Variants in ILDR2 observed in about 807,000 individuals in gnomAD.
ILDR2 encodes the protein immunoglobulin like domain containing receptor 2.
Under a neutral mutation model 66.8 loss-of-function variants are expected in ILDR2, and 25 were observed. The observed-to-expected ratio is 0.37, with a 90% CI of 0.27 to 0.52. The LOEUF (loss-of-function observed/expected upper bound fraction) is 0.52, where lower values mean the gene tolerates loss of function less well. ILDR2 is among the 20% of genes least tolerant of loss of function. ILDR2 has a pLI of 0.88. For missense variants in ILDR2, 827 were observed against 876.8 expected (o/e 0.94, Z 0.72); for synonymous variants, 367 against 357.2 (o/e 1.03, Z -0.31).
intron 1 of ILDR2, among the ~76,000 whole-genome samples, chr1:166,958,564 T>C (rs1434141512): frequency 6.6e-6 from 1 of 152,214 alleles, no homozygotes; most frequent in Non-Finnish European, 1.5e-5. Context: ...CCTGTGGAAC[T>C]GTGAGTCAAT....
intron 6 of ILDR2, among the ~76,000 whole-genome samples, chr1:166,935,083 G>A (rs1453486896): frequency 6.6e-6 from 1 of 152,192 alleles, no homozygotes; most frequent in East Asian, 1.9e-4. Context: ...AGTAATTGAG[G>A]AGTCTAGGGA....
chr1:166,919,944 T>G (rs771517518), intron 9 of ILDR2, among the ~76,000 whole-genome samples: 1 of 152,090 alleles, frequency 6.6e-6, no homozygotes, highest in African/African-American at 2.4e-5. Context: ...CTCCAAAGCA[T>G]GGGGGTCAGA....
chr1:166,897,550 G>A (rs1022252500), intron 2 of ILDR2, among the ~76,000 whole-genome samples: 19 of 152,324 alleles, frequency 1.2e-4, no homozygotes, highest in African/African-American at 4.1e-4. Flanking sequence ...GAAACCGACT[G>A]GACCTCCCAA....
chr1:166,935,473 A>C lies in ILDR2; in HGVS notation c.708T>G (p.Tyr236Ter). 6.3e-7 allele frequency: 1 copy of C among 1,590,270 alleles called. No homozygotes were observed. The highest frequency in any genetic ancestry group is 8.6e-7 in the Non-Finnish European group (1 of 1,168,912). Residue 236 changes from tyrosine to a stop codon, truncating the protein, a stop_gained, in exon 6 of 10, where the codon TAT becomes TAG. Coordinates refer to ENST00000271417, the MANE Select transcript of ILDR2 (RefSeq NM_199351.3). LOFTEE classifies it high-confidence loss of function. The part of the protein sequence containing the change: ...PDSCCCPQAL[Y>*]EAGKAAKAGY... ...CGGCCTTTGCTGCTTTCCCTGCTTC[A>C]TACACTGTGGAGGGAGATCAAGAGC...
chr1:166,954,484 T>G (rs1479330573), intron 3 of ILDR2, among the ~76,000 whole-genome samples: 1 of 152,192 alleles, frequency 6.6e-6, no homozygotes, highest in African/African-American at 2.4e-5. Flanking sequence ...AGTGTTGCCC[T>G]AAAAAGTTTC....
At chr1:166,959,131 C>T (rs1662459370) in intron 1 of ILDR2, among the ~76,000 whole-genome samples, 3 of 151,268 alleles carry the variant, frequency 2.0e-5, no homozygotes, top group Non-Finnish European at 4.4e-5. Context: ...ATGCTTTTTC[C>T]TCACTTCTTT....
downstream of ILDR2, among the ~76,000 whole-genome samples, chr1:166,905,950 CA>C (rs1310655888): frequency 6.6e-6 from 1 of 152,178 alleles, no homozygotes; most frequent in East Asian, 1.9e-4. Context: ...TGAAAGGAAT[CA>C]GTTTTTTGGC....
chr1:166,940,195 T>C (rs565345334), intron 3 of ILDR2, among the ~76,000 whole-genome samples: 1 of 152,142 alleles, frequency 6.6e-6, no homozygotes, highest in Non-Finnish European at 1.5e-5. Context: ...ACAGCTGGCA[T>C]TATATGGACC....
chr1:166,938,147 C>T (rs914477556), intron 4 of ILDR2, among the ~76,000 whole-genome samples: 6 of 152,108 alleles, frequency 3.9e-5, no homozygotes, highest in Non-Finnish European at 7.3e-5. Context: ...GCATTCATGC[C>T]GAGGACAATC....
At chr1:166,967,265 G>A (rs1332521004) in intron 1 of ILDR2, among the ~76,000 whole-genome samples, 2 of 152,194 alleles carry the variant, frequency 1.3e-5, no homozygotes, top group South Asian at 2.1e-4. Context: ...GAAGCTGCAT[G>A]TTGGAAACGG....
chr1:166,943,810 G>GT, intron 3 of ILDR2: 1 of 985,088 alleles, frequency 1.0e-6, no homozygotes, highest in Non-Finnish European at 1.2e-6. Context: ...CCAGGATTCA[G>GT]TTTAAGAGTG....
At chr1:166,926,937 G>A (rs1660335675) in intron 7 of ILDR2, 130 bp downstream of exon 7, 1 of 566,952 alleles carries the variant, frequency 1.8e-6, no homozygotes, top group Non-Finnish European at 3.1e-6. Context: ...TTCTTCAGTA[G>A]TGTCACCAGC....
chr1:166,905,218 G>A (rs1659325515), downstream of ILDR2, among the ~76,000 whole-genome samples: 1 of 151,904 alleles, frequency 6.6e-6, no homozygotes. Flanking sequence ...GCCCATTCTG[G>A]CCATGATCTC....
chr1:166,922,556 C>T (rs561085679), intron 8 of ILDR2, 37 bp downstream of exon 8: 2 of 1,573,430 alleles, frequency 1.3e-6, no homozygotes, highest in Non-Finnish European at 1.7e-6. Flanking sequence ...GCTCCTGCCC[C>T]CTCACACCGA....
At chr1:166,969,968 TG>T (rs1158196154) in intron 1 of ILDR2, among the ~76,000 whole-genome samples, 5 of 152,210 alleles carry the variant, frequency 3.3e-5, no homozygotes, top group Non-Finnish European at 7.3e-5. Context: ...AATGGGATAA[TG>T]TCTATGAAAG....
chr1:166,919,054 C>T lies in ILDR2; in HGVS notation c.*301G>A. 1 of 455,012 alleles carries T rather than the reference C, an allele frequency of 2.2e-6. No homozygotes were observed. The highest frequency in any genetic ancestry group is 3.9e-6 in the Non-Finnish European group (1 of 258,290). The allele number at this position is 455,012 out of a possible 1,614,324, so 28.2% of individuals were successfully genotyped here. A position where few individuals can be genotyped will look rare whatever the true frequency, so the allele number is the denominator to read the frequency against. ...TCTCTTTCAGAATTGCAAATGGAGT[C>T]CTGGTTCTGTTAAGGGAGGAGGCTG... On this transcript the variant is annotated 3_prime_UTR_variant, in exon 10 of 10. Transcript: ENST00000271417.
At chr1:166,951,502 T>C (rs1661976022) in intron 3 of ILDR2, among the ~76,000 whole-genome samples, 1 of 152,232 alleles carries the variant, frequency 6.6e-6, no homozygotes, top group Admixed American at 6.5e-5. Context: ...CTCTATCCCT[T>C]ACAATAAAAG....
chr1:166,932,979 A>G (rs1660723579), intron 6 of ILDR2, among the ~76,000 whole-genome samples: 2 of 152,026 alleles, frequency 1.3e-5, no homozygotes, highest in Non-Finnish European at 1.5e-5. Context: ...TATCACTAAC[A>G]CTCCCCATGG....
At chr1:166,948,210 C>A (rs1164716057) in intron 3 of ILDR2, among the ~76,000 whole-genome samples, 2 of 152,166 alleles carry the variant, frequency 1.3e-5, no homozygotes, top group Admixed American at 1.3e-4. Flanking sequence ...CTGTTCTCTT[C>A]AATCTATGGG....
Sources: allele counts gnomAD v4.1 joint callset (sites outside exome capture counted in the v4.1 genomes callset), GRCh38; gene constraint gnomAD v4.1.1; transcripts MANE v1.5; gene names NCBI Gene and HGNC (gene_info 2026-07-23, HGNC 2026-07-21).